The following COG7 variants were observed in gnomAD, a reference collection of about 807,000 sequenced individuals.
COG7 encodes the protein conserved oligomeric Golgi complex subunit 7.
COG7 carries 49 observed loss-of-function variants against 91.5 expected under a neutral mutation model. The ratio of observed to expected loss-of-function variants is 0.54; its 90% CI spans 0.43 to 0.68. The LOEUF (loss-of-function observed/expected upper bound fraction) is 0.68, where lower values mean the gene tolerates loss of function less well. Ranked by LOEUF, COG7 falls within the 30% of genes least tolerant of loss-of-function variation. The pLI, the probability that COG7 is intolerant of heterozygous loss-of-function variation, is 0.00. For synonymous variants in COG7, 365 were observed against 388.7 expected, an observed-to-expected ratio of 0.94 and a Z score of 0.72; for missense variants, 895 against 961.3, an observed-to-expected ratio of 0.93 and a Z score of 0.91.
intron 7 of COG7, among the ~76,000 whole-genome samples, chr16:23,421,849 TCA>T (rs1963762017): frequency 1.1e-5 from 1 of 94,868 alleles, no homozygotes. Context: ...AGACTCCATC[TCA>T]AAAAAAAAAA....
Position 23,445,943 on chromosome 16 carries a change from A to G in COG7, c.188T>C (p.Leu63Pro). The change falls in exon 2 of 17, where the codon CTC becomes CCC. Residue 63 changes from leucine to proline, a missense_variant. Coordinates refer to ENST00000307149, the MANE Select transcript of COG7 (RefSeq NM_153603.4). ...HAVEETSHQA[L>P]QNMPKVLRDV... Reference sequence around the variant, plus strand: ...ACGGAGCACTTTGGGCATGTTCTGGAGAGCTTGGTGACTTGTTTCTGTAGT... The same window carrying G: ...ACGGAGCACTTTGGGCATGTTCTGGGGAGCTTGGTGACTTGTTTCTGTAGT... 6.3e-7 allele frequency: 1 copy of G among 1,588,904 alleles called. No individual in the cohort carries two copies. Among genetic ancestry groups the G allele is most frequent in the Non-Finnish European group, 8.6e-7 (1 of 1,160,640 alleles).
At chr16:23,432,949 G>A (rs956881084) in intron 6 of COG7, among the ~76,000 whole-genome samples, 6 of 152,146 alleles carry the variant, frequency 3.9e-5, no homozygotes, top group African/African-American at 7.2e-5. Flanking sequence ...AGGCTCCCTT[G>A]CTGGACAACA....
chr16:23,433,473 A>G lies in COG7; in HGVS notation c.810+72T>C, dbSNP rs1052756658. ...CTGTGCTCTGCAGTTGAGGGTGGCC[A>G]CTCCCGAGGCAGTCACCCGTTCCCT... On this transcript the variant is annotated intron_variant, in intron 6 of 16. Coordinates refer to ENST00000307149, the MANE Select transcript of COG7 (RefSeq NM_153603.4). 58 of 1,595,248 alleles carry G rather than the reference A, an allele frequency of 3.6e-5. No homozygotes were observed. In the African/African-American group the frequency reaches 7.5e-4, roughly 21 times the overall value.
intron 5 of COG7, among the ~76,000 whole-genome samples, 197 bp downstream of exon 5, chr16:23,434,439 A>G (rs905848438): frequency 3.3e-5 from 5 of 152,264 alleles, no homozygotes; most frequent in Admixed American, 6.5e-5. Context: ...ATGAAAACGG[A>G]TAACTTTTTC....
In COG7 at chr16:23,453,006, C is replaced by T. The variant is rs1272724398; in HGVS notation, c.-12G>A. ...TTGGAGAAGTCCATGGCGGAACTGCCTCAGGCCTGGCGTCCAGAACTTAAG... is the reference window on the plus strand; with the variant it reads ...TTGGAGAAGTCCATGGCGGAACTGCTTCAGGCCTGGCGTCCAGAACTTAAG... On this transcript the variant is annotated 5_prime_UTR_variant, in exon 1 of 17. Transcript: ENST00000307149. 1 of 1,613,908 alleles carries T rather than the reference C, an allele frequency of 6.2e-7. No homozygotes were observed.
chr16:23,452,250 C>A (rs901589019), intron 1 of COG7, among the ~76,000 whole-genome samples: 3 of 152,170 alleles, frequency 2.0e-5, no homozygotes, highest in African/African-American at 7.2e-5. Context: ...CAATAAGATC[C>A]ACTCTTTTAA....
chr16:23,449,758 A>G (rs1288378504), intron 1 of COG7, among the ~76,000 whole-genome samples: 1 of 151,702 alleles, frequency 6.6e-6, no homozygotes, highest in Non-Finnish European at 1.5e-5. Flanking sequence ...TCTCAAAAAA[A>G]AAAAAAAAAC....
intron 6 of COG7, among the ~76,000 whole-genome samples, chr16:23,425,563 C>T (rs1963833122): frequency 6.6e-6 from 1 of 152,066 alleles, no homozygotes; most frequent in African/African-American, 2.4e-5. Context: ...TAGTCTCAAA[C>T]TCCTAGCCTC....
chr16:23,444,906 C>A (rs1964157553), intron 3 of COG7, 142 bp downstream of exon 3: 4 of 761,270 alleles, frequency 5.3e-6, no homozygotes, highest in African/African-American at 1.7e-5. Flanking sequence ...ACACACCGAG[C>A]AGCTTCAGAT....
chr16:23,438,719 T>C (rs1964050779), intron 4 of COG7, among the ~76,000 whole-genome samples: 1 of 145,662 alleles, frequency 6.9e-6, no homozygotes, highest in South Asian at 2.2e-4. Context: ...CTAATTAGTA[T>C]GGCTATAATC....
chr16:23,413,696 G>A, intron 9 of COG7, 132 bp from the exon 10 acceptor site: 1 of 711,802 alleles, frequency 1.4e-6, no homozygotes, highest in Non-Finnish European at 2.6e-6. Context: ...CCACCGACGA[G>A]TGAAACTGCT....
chr16:23,447,824 T>G (rs1964205794), intron 1 of COG7, among the ~76,000 whole-genome samples: 1 of 151,838 alleles, frequency 6.6e-6, no homozygotes, highest in Non-Finnish European at 1.5e-5. Flanking sequence ...CACTTGAACC[T>G]GGGAGGCGGA....
At chr16:23,447,058 T>C (rs1964193855) in intron 1 of COG7, 1 of 151,956 alleles carries the variant, frequency 6.6e-6, no homozygotes, top group African/African-American at 2.4e-5. Context: ...CCTAAAAATA[T>C]CTTAAATATA....
chr16:23,443,412 C>A (rs577080182), intron 3 of COG7, among the ~76,000 whole-genome samples: 1 of 152,038 alleles, frequency 6.6e-6, no homozygotes, highest in Non-Finnish European at 1.5e-5. Flanking sequence ...GTCAGGCAGC[C>A]GGGAAGGGTG....
chr16:23,446,037 T>C (rs1271139103), intron 1 of COG7, 76 bp from the exon 2 acceptor site: 1 of 1,509,944 alleles, frequency 6.6e-7, no homozygotes, highest in African/African-American at 1.4e-5. Flanking sequence ...CAGCCACCAG[T>C]AAAATACAGG....
chr16:23,402,301 C>T (rs901667753), intron 13 of COG7, among the ~76,000 whole-genome samples: 3 of 151,578 alleles, frequency 2.0e-5, no homozygotes, highest in South Asian at 2.1e-4. Flanking sequence ...AAACTGCTGA[C>T]GCTGATTATT....
rs757032731 is a variant in COG7 at position 23,389,087 on chromosome 16, C to G, written c.2147-1G>C. ...GCATCCATCACGTTGATCAGATAGTCTGTGGGGGCGGAGAGGAGACAGACA... is the reference window on the plus strand; with the variant it reads ...GCATCCATCACGTTGATCAGATAGTGTGTGGGGGCGGAGAGGAGACAGACA... On this transcript the variant is annotated splice_acceptor_variant, in intron 16 of 16. Transcript: ENST00000307149. LOFTEE classifies it high-confidence loss of function. 2 of 1,613,748 alleles carry G rather than the reference C, an allele frequency of 1.2e-6. No individual in the cohort carries two copies. Among genetic ancestry groups the G allele is most frequent in the Admixed American group, 3.3e-5 (2 of 60,000 alleles).
chr16:23,434,299 A>G (rs1284745068), intron 5 of COG7, among the ~76,000 whole-genome samples: 1 of 152,220 alleles, frequency 6.6e-6, no homozygotes, highest in Non-Finnish European at 1.5e-5. Flanking sequence ...AGAAAAAAAG[A>G]GAAATTCTTA....
chr16:23,432,071 C>G (rs574721579), intron 6 of COG7, among the ~76,000 whole-genome samples: 74 of 151,966 alleles, frequency 4.9e-4, no homozygotes, highest in Middle Eastern at 3.5e-3. Flanking sequence ...AGCTTGAACC[C>G]AGGAGGCCGA....
Sources: gnomAD v4.1 joint callset for allele counts (sites outside exome capture counted in the v4.1 genomes callset) on GRCh38, gnomAD v4.1.1 for gene constraint, MANE v1.5 for transcripts, NCBI Gene and HGNC (gene_info 2026-07-23, HGNC 2026-07-21) for gene names.